Variants in ZNF559 observed in about 807,000 individuals in gnomAD.
ZNF559 encodes the protein putative protein product of Nbla00121.
A neutral mutation model predicts 14.2 loss-of-function variants in ZNF559; 17 were observed. The observed-to-expected ratio is 1.20, with a 90% confidence interval of 0.82 to 1.80. The LOEUF (loss-of-function observed/expected upper bound fraction) is 1.80, where lower values mean the gene tolerates loss of function less well. Ranked by LOEUF, ZNF559 falls within the 40% of genes most tolerant of loss-of-function variation. ZNF559 has a pLI of 0.00. For synonymous variants in ZNF559, 244 were observed against 212.4 expected (o/e 1.15, Z -1.29); for missense variants, 740 against 629.7 (o/e 1.18, Z -1.88).
chr19:9,324,711 T>G lies in ZNF559; in HGVS notation c.-189T>G. 2 of 1,534,754 alleles carry G rather than the reference T, an allele frequency of 1.3e-6. No individual in the cohort carries two copies. The highest frequency in any genetic ancestry group is 8.7e-7 in the Non-Finnish European group (1 of 1,146,592). On this transcript the variant is annotated 5_prime_UTR_variant, in exon 2 of 7. Transcript: ENST00000603380. The stretch of plus-strand genomic sequence containing the variant: ...CTCTATAAGGAACAGCATCTCTGCC[T>G]TCCTGTTCACGGTGACCTTCGCTTG...
chr19:9,329,870 G>A (rs2066843210), intron 2 of ZNF559, among the ~76,000 whole-genome samples: 1 of 152,092 alleles, frequency 6.6e-6, no homozygotes, highest in Non-Finnish European at 1.5e-5. Context: ...CACCATATTG[G>A]CAAGGCTGGT....
In ZNF559 at chr19:9,324,185, A is replaced by G. The variant is rs1205806127; in HGVS notation, c.-249A>G. 3.3e-6 allele frequency: 5 copies of G among 1,536,066 alleles called. No individual in the cohort carries two copies. The highest frequency in any genetic ancestry group is 1.2e-5 in the South Asian group (1 of 84,064). On this transcript the variant is annotated 5_prime_UTR_variant, in exon 1 of 7. Coordinates refer to ENST00000603380, the MANE Select transcript of ZNF559 (RefSeq NM_032497.3). ...GGCGTGTCTGCGTGGGCGCATGCGC[A>G]TAACGGCCGCCATCTTAACAGCGCG...
chr19:9,337,249 A>C (rs147895293), intron 2 of ZNF559, among the ~76,000 whole-genome samples: 1 of 152,332 alleles, frequency 6.6e-6, no homozygotes, highest in East Asian at 1.9e-4. Flanking sequence ...TCAGGCATAC[A>C]AAAACAGGCC....
At position 9,342,422 on chromosome 19, in the gene ZNF559, C is replaced by G. The variant is rs368153050; in HGVS notation, c.971C>G (p.Pro324Arg). ...ATAAGGGTTCACACTGGAGAAAAAC[C>G]GTATGAGTGCAACAAATGTGGGAAA... ...IHIRVHTGEK[P>R]YECNKCGKAF... is the part of the protein sequence containing the mutation. Residue 324 changes from proline (P) to arginine (R), a missense_variant, in exon 7 of 7, where the codon CCG (proline) becomes CGG (arginine). Transcript: ENST00000603380. 6.2e-7 allele frequency: 1 copy of G among 1,614,106 alleles called. No individual in the cohort carries two copies. Among genetic ancestry groups the G allele is most frequent in the African/African-American group, 1.3e-5 (1 of 75,038 alleles).
rs35172240 is a variant in ZNF559, at chr19:9,327,750, A to AT, written c.-120+2979dup. 4.6e-4 allele frequency among the ~76,000 whole-genome samples: 70 copies of AT among 151,692 alleles called. No individual in the cohort carries two copies. In the East Asian group the frequency reaches 9.9e-3, roughly 21 times the overall value. ...TTTTGGAATGTCACAACTTATTCTA[A>AT]TTTTTTTTTCTTTTCATTCACTGTA... On this transcript the variant is annotated intron_variant, in intron 2 of 6. Transcript: ENST00000603380.
intron 2 of ZNF559, among the ~76,000 whole-genome samples, chr19:9,327,082 A>G (rs886948895): frequency 6.6e-6 from 1 of 152,196 alleles, no homozygotes; most frequent in African/African-American, 2.4e-5. Context: ...GTCACATACT[A>G]CAAGTTTGTT....
chr19:9,324,508 T>C, intron 1 of ZNF559, 187 bp from the exon 2 acceptor site: 2 of 1,330,730 alleles, frequency 1.5e-6, no homozygotes, highest in East Asian at 5.0e-5. Context: ...AGAAGCCTCA[T>C]AGGGCCCGGC....
chr19:9,324,616 AG>A, intron 1 of ZNF559, 78 bp from the exon 2 acceptor site: 1 of 938,750 alleles, frequency 1.1e-6, no homozygotes, highest in Admixed American at 3.1e-5. Context: ...CAACATAGGG[AG>A]ACCCCCCCCC....
intron 2 of ZNF559, 129 bp downstream of exon 2, chr19:9,324,909 A>C: frequency 1.3e-6 from 1 of 742,754 alleles, no homozygotes; most frequent in Non-Finnish European, 2.2e-6. Context: ...CGAATGCATG[A>C]GTGGATGAAT....
chr19:9,337,751 A>T (rs996562775), intron 2 of ZNF559, 45 bp from the exon 3 acceptor site: 36 of 1,352,136 alleles, frequency 2.7e-5, no homozygotes, highest in Non-Finnish European at 3.1e-5. Flanking sequence ...TCCACGTGGC[A>T]TAATACTCTA....
Position 9,343,448 on chromosome 19 carries a change from G to A in ZNF559, c.*380G>A. On this transcript the variant is annotated 3_prime_UTR_variant, in exon 7 of 7. Transcript: ENST00000603380. ...GCCTTACTGAGCTTGTGAGCACATT[G>A]GATATAAATGCACGTCCTCTGGCTG... The A allele has an allele frequency of 9.6e-7, 1 of 1,046,698 alleles. No homozygotes were observed. Among genetic ancestry groups the A allele is most frequent in the Non-Finnish European group, 1.2e-6 (1 of 867,208 alleles). The allele number at this position is 1,046,698 out of a possible 1,614,324, so 64.8% of individuals were successfully genotyped here.
At chr19:9,328,811 G>T (rs2066779527) in intron 2 of ZNF559, among the ~76,000 whole-genome samples, 1 of 152,156 alleles carries the variant, frequency 6.6e-6, no homozygotes, top group African/African-American at 2.4e-5. Flanking sequence ...GGAATGTTGT[G>T]TCAGAAGTCT....
In ZNF559 at chr19:9,324,245, G is replaced by C; in HGVS notation, c.-206+17G>C. ...GCGTCTGAGGTAAGTTTTTGTTTCT[G>C]GGCGGCGTTCGGTGGTGTCCCGGTG... On this transcript the variant is annotated intron_variant, in intron 1 of 6. Transcript: ENST00000603380. 6.5e-7 allele frequency: 1 copy of C among 1,536,104 alleles called. No individual in the cohort carries two copies. The highest frequency in any genetic ancestry group is 1.2e-5 in the South Asian group (1 of 84,068).
intron 2 of ZNF559, among the ~76,000 whole-genome samples, chr19:9,335,470 AC>A (rs2067186681): frequency 6.6e-6 from 1 of 151,842 alleles, no homozygotes; most frequent in Non-Finnish European, 1.5e-5. Context: ...TCTCCCCCAT[AC>A]CCCCAGAAAA....
chr19:9,326,105 A>ATT (rs71183701), intron 2 of ZNF559, among the ~76,000 whole-genome samples: 4,218 of 73,698 alleles, frequency 0.057, 839 homozygotes, highest in Middle Eastern at 0.083. Context: ...TATTCACCTG[A>ATT]TTTTTTTTTT....
chr19:9,341,608 G>T, intron 6 of ZNF559, 87 bp from the exon 7 acceptor site: 1 of 1,597,222 alleles, frequency 6.3e-7, no homozygotes, highest in Non-Finnish European at 8.5e-7. Context: ...TATTTTCCAT[G>T]TGTAACAGAA....
chr19:9,331,540 G>A (rs935094231), intron 2 of ZNF559, among the ~76,000 whole-genome samples: 9 of 152,140 alleles, frequency 5.9e-5, no homozygotes, highest in Admixed American at 2.0e-4. Context: ...CAAAAATTGT[G>A]ACAAGAGACA....
Position 9,327,244 on chromosome 19 carries a change from T to TTG in ZNF559, c.-120+2465_-120+2466insGT, listed in dbSNP as rs2066663764. ...TTTTTTGGTTTTGTTTTGTTTTGTT[T>TTG]TTTTTTGTTTTTGTTTTTGTTTTGA... On this transcript the variant is annotated intron_variant, in intron 2 of 6. Transcript: ENST00000603380. Among the ~76,000 whole-genome samples the TTG allele has an allele frequency of 4.7e-5, 7 of 147,628 alleles. No individual in the cohort carries two copies. In the South Asian group the frequency reaches 1.5e-3, roughly 32 times the overall value.
chr19:9,332,962 C>T (rs2067018267), intron 2 of ZNF559: 1 of 152,138 alleles, frequency 6.6e-6, no homozygotes, highest in Non-Finnish European at 1.5e-5. Flanking sequence ...GAAAATGTAT[C>T]TTGGTTTTTG....
Sources: gnomAD v4.1 joint callset for allele counts (sites outside exome capture counted in the v4.1 genomes callset) on GRCh38, gnomAD v4.1.1 for gene constraint, MANE v1.5 for transcripts, NCBI Gene and HGNC (gene_info 2026-07-23, HGNC 2026-07-21) for gene names.